PCDHGC3: variants seen among roughly 807,000 people sequenced by gnomAD.
PCDHGC3 encodes protocadherin gamma-C3.
A neutral mutation model predicts 59.2 loss-of-function variants in PCDHGC3; 26 were observed. That is an observed-to-expected ratio of 0.44 (90% CI 0.32 to 0.61). The LOEUF (loss-of-function observed/expected upper bound fraction) is 0.61. PCDHGC3 is among the 20% of genes least tolerant of loss of function. PCDHGC3 has a pLI of 0.05. For missense variants in PCDHGC3, 1,080 were observed against 1,221.8 expected, an observed-to-expected ratio of 0.88 and a Z score of 1.73; for synonymous variants, 487 against 519.7, an observed-to-expected ratio of 0.94 and a Z score of 0.86.
intron 1 of PCDHGC3, chr5:141,479,313 G>C (rs926148640): frequency 2.0e-5 from 3 of 152,456 alleles, no homozygotes; most frequent in Non-Finnish European, 2.9e-5. Context: ...AAAACATAAA[G>C]TAGCCAGACT....
At chr5:141,508,737 C>G (rs919094477) in intron 3 of PCDHGC3, among the ~76,000 whole-genome samples, 2 of 152,010 alleles carry the variant, frequency 1.3e-5, no homozygotes, top group Non-Finnish European at 2.9e-5. Flanking sequence ...CTACACCCCC[C>G]ACCCCGCTCT....
At position 141,480,425 on chromosome 5, in the gene PCDHGC3, AT is replaced by A. The variant is rs553131122; in HGVS notation, c.2430+1881del. On this transcript the variant is annotated intron_variant, in intron 1 of 3. Transcript: ENST00000308177. ...GTGAGACCCTGTCTCAAAAAAAAAA[AT>A]TATCAGCTATTACTATAATTATTTT... 2.3e-4 allele frequency among the ~76,000 whole-genome samples: 34 copies of A among 149,340 alleles called. 1 individual carries two copies. In the South Asian group the frequency reaches 6.0e-3, roughly 26 times the overall value.
Position 141,485,795 on chromosome 5 carries a change from T to G in PCDHGC3, c.2430+7249T>G, listed in dbSNP as rs1225630684. On this transcript the variant is annotated intron_variant, in intron 1 of 3. Coordinates refer to ENST00000308177, the MANE Select transcript of PCDHGC3 (RefSeq NM_002588.4). The surrounding 1 kb of genome is among the most constrained non-coding windows in gnomAD (Gnocchi z 5.7). ...TTTGGATCGAGAGAAGCAATCGGAC[T>G]ACCGCCTGGTGCTGACTGCTGTCGA... 16 of 1,614,092 alleles carry G rather than the reference T, an allele frequency of 9.9e-6. No individual in the cohort carries two copies. The highest frequency in any genetic ancestry group is 1.1e-5 in the Non-Finnish European group (13 of 1,180,046).
Position 141,478,256 on chromosome 5 carries a change from A to G in PCDHGC3, c.2140A>G (p.Ile714Val). The G allele has an allele frequency of 3.7e-6, 6 of 1,614,126 alleles. No homozygotes were observed. Among genetic ancestry groups the G allele is most frequent in the Non-Finnish European group, 5.1e-6 (6 of 1,180,024 alleles). Residue 714 changes from isoleucine to valine, a missense_variant, in exon 1 of 4, where the codon ATA (isoleucine) becomes GTA (valine). Physicochemically the swap from Ile to Val is conservative, Grantham distance 29. Coordinates refer to ENST00000308177, the MANE Select transcript of PCDHGC3 (RefSeq NM_002588.4). ...GFVVTVFGVI[I>V]FKVYKWKQSR... ...TGTGGTCACAGTGTTCGGAGTAATCATATTCAAAGTTTACAAGTGGAAGCA... is the reference window on the plus strand; with the variant it reads ...TGTGGTCACAGTGTTCGGAGTAATCGTATTCAAAGTTTACAAGTGGAAGCA...
At chr5:141,479,740 C>T (rs1434967266) in intron 1 of PCDHGC3, 1 of 152,168 alleles carries the variant, frequency 6.6e-6, no homozygotes, top group Non-Finnish European at 1.5e-5. Context: ...AGTATATGCA[C>T]AATGTGAAAG....
chr5:141,495,702 T>C (rs1462896403), intron 2 of PCDHGC3, among the ~76,000 whole-genome samples: 3 of 152,212 alleles, frequency 2.0e-5, no homozygotes, highest in Non-Finnish European at 4.4e-5. Context: ...TCAATAAATG[T>C]GGAGTGAGTA....
At chr5:141,492,578 G>A (rs1380328678) in intron 1 of PCDHGC3, among the ~76,000 whole-genome samples, 1 of 152,216 alleles carries the variant, frequency 6.6e-6, no homozygotes, top group Non-Finnish European at 1.5e-5. Flanking sequence ...CGAGGCGCGG[G>A]GCCAGGAGCG....
At position 141,511,036 on chromosome 5, in the gene PCDHGC3, G is replaced by A. The variant is rs116366286; in HGVS notation, c.2668G>A (p.Val890Met). ...CGGACCCCAGTTCACCCTGCAGCAC[G>A]TGCCCGACTACCGCCAGAATGTCTA... is the stretch of plus-strand genomic sequence containing the variant. ...RYGPQFTLQH[V>M]PDYRQNVYIP... is the part of the protein sequence containing the mutation. Residue 890 changes from valine to methionine, a missense_variant, in exon 4 of 4, where the codon GTG becomes ATG. Physicochemically the swap from Val to Met is conservative, Grantham distance 21. Transcript: ENST00000308177. 5.5e-5 allele frequency: 89 copies of A among 1,614,198 alleles called. No individual in the cohort carries two copies. The highest frequency in any genetic ancestry group is 1.6e-4 in the Middle Eastern group (1 of 6,062).
At chr5:141,502,400 C>T (rs964923206) in intron 2 of PCDHGC3, among the ~76,000 whole-genome samples, 2 of 151,748 alleles carry the variant, frequency 1.3e-5, no homozygotes, top group African/African-American at 4.8e-5. Flanking sequence ...AAAATGTCCC[C>T]GAACCTGGAT....
rs1379023118 is a variant in PCDHGC3, at chr5:141,487,609, G to A, written c.2431-7198G>A. ...GCCCACCCTCTGATCTTCTCTATGG[G>A]CTAGAGGTGAGACCTTTGCAGGCTC... On this transcript the variant is annotated intron_variant, in intron 1 of 3. Transcript: ENST00000308177. The surrounding 1 kb of genome is among the most constrained non-coding windows in gnomAD (Gnocchi z 5.0). 1 of 1,614,202 alleles carries A rather than the reference G, an allele frequency of 6.2e-7. No individual in the cohort carries two copies. The highest frequency in any genetic ancestry group is 1.1e-5 in the South Asian group (1 of 91,084).
rs367744321 is a variant in PCDHGC3, at chr5:141,489,394, C to G, written c.2431-5413C>G. The G allele has an allele frequency of 3.7e-6, 6 of 1,614,008 alleles. No individual in the cohort carries two copies. In the African/African-American group the frequency reaches 6.7e-5, roughly 18 times the overall value. On this transcript the variant is annotated intron_variant, in intron 1 of 3. Transcript: ENST00000308177. The surrounding 1 kb of genome is among the most constrained non-coding windows in gnomAD (Gnocchi z 4.5). ...GCTGGTGGGGAATGTTGCTCAGGATCTGGGCTTAAAGATGACAGATCTGTT... is the reference window on the plus strand; with the variant it reads ...GCTGGTGGGGAATGTTGCTCAGGATGTGGGCTTAAAGATGACAGATCTGTT...
intron 1 of PCDHGC3, chr5:141,479,209 A>T (rs1314929824): frequency 6.6e-6 from 1 of 152,432 alleles, no homozygotes; most frequent in African/African-American, 2.4e-5. Context: ...AAAAGTATTT[A>T]AAAAATTAAA....
rs752011641 is a variant in PCDHGC3 at position 141,490,299 on chromosome 5, C to T, written c.2431-4508C>T. 1.2e-6 allele frequency: 2 copies of T among 1,614,068 alleles called. No homozygotes were observed. Among genetic ancestry groups the T allele is most frequent in the East Asian group, 2.2e-5 (1 of 44,896 alleles). Reference sequence around the variant, plus strand: ...ACAATGCCCCAGAGGTGCTATTGGCCTCTTTGGCCAACCCTGTCCTAGAGA... The same window carrying T: ...ACAATGCCCCAGAGGTGCTATTGGCTTCTTTGGCCAACCCTGTCCTAGAGA... On this transcript the variant is annotated intron_variant, in intron 1 of 3. Coordinates refer to ENST00000308177, the MANE Select transcript of PCDHGC3 (RefSeq NM_002588.4). The surrounding 1 kb of genome is among the most constrained non-coding windows in gnomAD (Gnocchi z 5.4).
chr5:141,494,386 T>G (rs2099753905), intron 1 of PCDHGC3, among the ~76,000 whole-genome samples: 1 of 152,198 alleles, frequency 6.6e-6, no homozygotes, highest in African/African-American at 2.4e-5. Context: ...GCTGAGGAGT[T>G]GAATAAATTC....
rs968865313 is a variant in PCDHGC3, at chr5:141,511,294, C to T, written c.*121C>T. 1 of 1,506,752 alleles carries T rather than the reference C, an allele frequency of 6.6e-7. No individual in the cohort carries two copies. Among genetic ancestry groups the T allele is most frequent in the Non-Finnish European group, 8.9e-7 (1 of 1,123,692 alleles). 93.3% of individuals were successfully genotyped at this position (1,506,752 alleles called of 1,614,324 possible). On this transcript the variant is annotated 3_prime_UTR_variant, in exon 4 of 4. Coordinates refer to ENST00000308177, the MANE Select transcript of PCDHGC3 (RefSeq NM_002588.4). ...CCCAGAATACTGGTAGGGGCCAAGG[C>T]CATGCTCCCCTTGGGAAACAGAAAC...
At position 141,487,425 on chromosome 5, in the gene PCDHGC3, G is replaced by A. The variant is rs116499036; in HGVS notation, c.2431-7382G>A. ...CTTCCCCCTTCCAATGGGATCCTCCGAATCCAGCTAGGGTCAGATGACCCT... is the reference window on the plus strand; with the variant it reads ...CTTCCCCCTTCCAATGGGATCCTCCAAATCCAGCTAGGGTCAGATGACCCT... On this transcript the variant is annotated intron_variant, in intron 1 of 3. Coordinates refer to ENST00000308177, the MANE Select transcript of PCDHGC3 (RefSeq NM_002588.4). This position sits in a 1 kb window ranked among gnomAD's most constrained non-coding sequence, Gnocchi z 5.0. The A allele has an allele frequency of 1.1e-5, 17 of 1,613,988 alleles. No individual in the cohort carries two copies. The highest frequency in any genetic ancestry group is 1.6e-4 in the Middle Eastern group (1 of 6,084).
rs200900873 is a variant in PCDHGC3 at position 141,510,902 on chromosome 5, G to A, written c.2579-45G>A. On this transcript the variant is annotated intron_variant, in intron 3 of 3. Transcript: ENST00000308177. ...GGGGATATAAGACAGTGACTGTTGAGGACCCTAAGTTTAGCTCCCACCTGA... is the reference window on the plus strand; with the variant it reads ...GGGGATATAAGACAGTGACTGTTGAAGACCCTAAGTTTAGCTCCCACCTGA... The A allele has an allele frequency of 1.5e-3, 2,449 of 1,613,462 alleles. 7 individuals carry two copies. The highest frequency in any genetic ancestry group is 1.9e-3 in the Non-Finnish European group (2,206 of 1,179,758).
At position 141,487,063 on chromosome 5, in the gene PCDHGC3, G is replaced by A. The variant is rs754361361; in HGVS notation, c.2431-7744G>A. 39 of 1,614,086 alleles carry A rather than the reference G, an allele frequency of 2.4e-5. No individual in the cohort carries two copies. In the South Asian group the frequency reaches 3.7e-4, roughly 15 times the overall value. The stretch of plus-strand genomic sequence containing the variant: ...CTCGATATGCTGGGGAGGTGCGGAC[G>A]GCTGTTCCTATCCCAGCTGACCTCC... On this transcript the variant is annotated intron_variant, in intron 1 of 3. Transcript: ENST00000308177. The surrounding 1 kb of genome is among the most constrained non-coding windows in gnomAD (Gnocchi z 5.0).
intron 3 of PCDHGC3, among the ~76,000 whole-genome samples, chr5:141,507,590 T>C (rs531629336): frequency 1.3e-5 from 2 of 152,374 alleles, no homozygotes; most frequent in African/African-American, 4.8e-5. Context: ...AGTTGGCCTC[T>C]TGAGGGAAAT....
Sources: gnomAD v4.1 joint callset for allele counts (sites outside exome capture counted in the v4.1 genomes callset) on GRCh38, gnomAD v4.1.1 for gene constraint, Gnocchi (gnomAD v3.1) non-coding constraint, MANE v1.5 for transcripts, NCBI Gene and HGNC (gene_info 2026-07-23, HGNC 2026-07-21) for gene names.